The following STPG2 variants were observed in gnomAD, a reference collection of about 807,000 sequenced individuals.
STPG2 encodes the protein sperm-tail PG-rich repeat-containing protein 2.
A neutral mutation model predicts 54.2 loss-of-function variants in STPG2; 56 were observed. That is an observed-to-expected ratio of 1.03 (90% CI 0.83 to 1.29). The LOEUF is 1.29. STPG2 is among the 50% of genes most tolerant of loss of function. The probability of loss-of-function intolerance (pLI) is 0.00; values close to 1 mark genes in which losing one functional copy is unlikely to be tolerated. For missense variants in STPG2, 596 were observed against 544.9 expected (o/e 1.09, Z -0.93); for synonymous variants, 200 against 181.8 (o/e 1.10, Z -0.81).
intron 4 of STPG2, among the ~76,000 whole-genome samples, chr4:97,551,228 C>T (rs1731960449): frequency 6.6e-6 from 1 of 152,006 alleles, no homozygotes; most frequent in African/African-American, 2.4e-5. Flanking sequence ...TCTCCAAGTC[C>T]CCACCTGACC....
intron 10 of STPG2, among the ~76,000 whole-genome samples, chr4:97,615,019 C>T (rs1296111550): frequency 6.6e-6 from 1 of 152,126 alleles, no homozygotes; most frequent in East Asian, 1.9e-4. Context: ...CTTGTTCCTT[C>T]TTAAAAGGAG....
chr4:97,606,918 T>A (rs573425937), intron 10 of STPG2, among the ~76,000 whole-genome samples: 2 of 152,116 alleles, frequency 1.3e-5, no homozygotes, highest in African/African-American at 4.8e-5. Flanking sequence ...TACTGGCACT[T>A]ATAGGCTAAA....
intron 8 of STPG2, among the ~76,000 whole-genome samples, chr4:97,845,816 G>C (rs914127810): frequency 6.6e-6 from 1 of 152,166 alleles, no homozygotes; most frequent in Non-Finnish European, 1.5e-5. Flanking sequence ...AAGTAGAAGA[G>C]ACCTTCCTAT....
intron 8 of STPG2, among the ~76,000 whole-genome samples, chr4:97,844,889 T>A (rs1353585492): frequency 2.6e-5 from 4 of 152,088 alleles, no homozygotes; most frequent in Admixed American, 2.0e-4. Context: ...TCATATTCAA[T>A]GATTTCTATT....
At chr4:97,931,131 A>G (rs1396343275) in intron 8 of STPG2, among the ~76,000 whole-genome samples, 1 of 152,206 alleles carries the variant, frequency 6.6e-6, no homozygotes, top group Non-Finnish European at 1.5e-5. Context: ...ATCTGCAAAC[A>G]GATATAGTTT....
At chr4:97,691,291 T>A (rs974551001) in intron 10 of STPG2, among the ~76,000 whole-genome samples, 8 of 152,150 alleles carry the variant, frequency 5.3e-5, no homozygotes, top group Non-Finnish European at 1.0e-4. Flanking sequence ...TTTTAAGCCC[T>A]GTTCACCAGC....
intron 5 of STPG2, among the ~76,000 whole-genome samples, chr4:98,002,007 T>C (rs1255786698): frequency 2.0e-5 from 3 of 152,086 alleles, no homozygotes; most frequent in African/African-American, 4.8e-5. Context: ...CAAAAAAATA[T>C]ATATTACTCC....
At chr4:97,957,628 A>G (rs1355041445) in intron 7 of STPG2, among the ~76,000 whole-genome samples, 2 of 152,140 alleles carry the variant, frequency 1.3e-5, no homozygotes. Flanking sequence ...CAGGTTATCT[A>G]AAGTTAAGAG....
In STPG2 at chr4:97,774,631, T is replaced by C. The variant is rs570508421; in HGVS notation, c.1205-61817A>G. On this transcript the variant is annotated intron_variant, in intron 9 of 10. Coordinates refer to ENST00000295268, the MANE Select transcript of STPG2 (RefSeq NM_174952.3). Reference sequence around the variant, plus strand: ...CTTTTGCTTTCTCTTGGTGGTACTTTGTTCACTCTAACAGTTAGGATTAGG... The same window carrying C: ...CTTTTGCTTTCTCTTGGTGGTACTTCGTTCACTCTAACAGTTAGGATTAGG... 4.6e-5 allele frequency among the ~76,000 whole-genome samples: 7 copies of C among 152,316 alleles called. No homozygotes were observed. In the South Asian group the frequency reaches 1.5e-3, roughly 32 times the overall value.
At chr4:97,641,727 G>C (rs1476144712) in intron 10 of STPG2, among the ~76,000 whole-genome samples, 1 of 150,918 alleles carries the variant, frequency 6.6e-6, no homozygotes, top group Non-Finnish European at 1.5e-5. Context: ...CAAATATATA[G>C]TACTATAATA....
chr4:97,860,507 ATTTT>A (rs1560558745), intron 8 of STPG2, among the ~76,000 whole-genome samples: 2 of 141,530 alleles, frequency 1.4e-5, no homozygotes, highest in Non-Finnish European at 3.0e-5. Context: ...ATTTTATTTT[ATTTT>A]ATTTTATTAT....
intron 5 of STPG2, among the ~76,000 whole-genome samples, chr4:98,044,864 G>A (rs548057626): frequency 1.3e-5 from 2 of 152,218 alleles, no homozygotes; most frequent in African/African-American, 4.8e-5. Context: ...GTGAGGCAAG[G>A]GTTGCACTGG....
At chr4:97,849,514 C>T (rs1037010399) in intron 8 of STPG2, among the ~76,000 whole-genome samples, 7 of 151,948 alleles carry the variant, frequency 4.6e-5, no homozygotes, top group Admixed American at 4.6e-4. Flanking sequence ...TTTTCGCAAC[C>T]TACTCATCTG....
At chr4:97,642,993 C>T (rs1721807081) in intron 10 of STPG2, among the ~76,000 whole-genome samples, 2 of 151,404 alleles carry the variant, frequency 1.3e-5, no homozygotes, top group South Asian at 4.1e-4. Flanking sequence ...GACCAGAATA[C>T]TAATAAATAT....
At chr4:98,080,349 C>T (rs986722337) in intron 5 of STPG2, among the ~76,000 whole-genome samples, 1 of 152,036 alleles carries the variant, frequency 6.6e-6, no homozygotes, top group African/African-American at 2.4e-5. Flanking sequence ...CTGCCTCAGT[C>T]GCCCAAGGAG....
At chr4:97,503,590 T>C (rs1308782887) in intron 4 of STPG2, among the ~76,000 whole-genome samples, 1 of 151,278 alleles carries the variant, frequency 6.6e-6, no homozygotes, top group Admixed American at 6.6e-5. Flanking sequence ...CTGGCTAGTA[T>C]GTATGTTTTT....
intron 10 of STPG2, among the ~76,000 whole-genome samples, chr4:97,592,224 A>T (rs1227963399): frequency 6.6e-6 from 1 of 152,114 alleles, no homozygotes; most frequent in Non-Finnish European, 1.5e-5. Flanking sequence ...CTCATTTTTT[A>T]TTTATTATGT....
intron 8 of STPG2, among the ~76,000 whole-genome samples, chr4:97,925,789 A>G (rs1732311352): frequency 6.6e-6 from 1 of 152,068 alleles, no homozygotes; most frequent in African/African-American, 2.4e-5. Context: ...GGCCCAGGGG[A>G]TCTTTATTTT....
intron 5 of STPG2, among the ~76,000 whole-genome samples, chr4:98,042,298 T>G (rs960666539): frequency 6.6e-6 from 1 of 151,932 alleles, no homozygotes; most frequent in African/African-American, 2.4e-5. Context: ...ATTGATTTTT[T>G]TGTACTTTTT....
Sources: gnomAD v4.1 joint callset for allele counts (sites outside exome capture counted in the v4.1 genomes callset) on GRCh38, gnomAD v4.1.1 for gene constraint, MANE v1.5 for transcripts, NCBI Gene and HGNC (gene_info 2026-07-23, HGNC 2026-07-21) for gene names.